The following MAEA variants were observed in gnomAD, a reference collection of about 807,000 sequenced individuals.
MAEA encodes E3 ubiquitin-protein transferase MAEA.
In MAEA, 22 loss-of-function variants were observed where a neutral mutation model predicts 46.2. The observed-to-expected ratio is 0.48, with a 90% CI of 0.34 to 0.68. The LOEUF (loss-of-function observed/expected upper bound fraction) is 0.68, where lower values mean the gene tolerates loss of function less well. Among genes scored for constraint, MAEA ranks in the 30% least tolerant of loss-of-function variants. The pLI is 0.01. For synonymous variants in MAEA, 246 were observed against 222.6 expected (o/e 1.11, Z -0.94); for missense variants, 393 against 558.1 (o/e 0.70, Z 2.98).
At chr4:1,323,469 G>T in intron 4 of MAEA, 1 of 702,540 alleles carries the variant, frequency 1.4e-6, no homozygotes, top group Non-Finnish European at 2.6e-6. Flanking sequence ...GCAGTTACCA[G>T]CCAGGAGTGA....
chr4:1,309,407 A>C, intron 1 of MAEA: 2 of 1,267,676 alleles, frequency 1.6e-6, no homozygotes, highest in Non-Finnish European at 2.0e-6. Flanking sequence ...TCACGTGCTG[A>C]GTCCCCCGGA....
chr4:1,335,296 G>C (rs545518785), intron 6 of MAEA: 33 of 985,518 alleles, frequency 3.3e-5, no homozygotes, highest in African/African-American at 1.0e-4. Flanking sequence ...CCTTCCAGCT[G>C]TGTGAGTCTA....
Position 1,335,213 on chromosome 4 carries a change from A to G in MAEA, c.766-1648A>G, listed in dbSNP as rs901575248. ...ACCTAACATGGACCGGTTGTTTTCC[A>G]TTTCATACATGATTTCTCTGAAGTA... On this transcript the variant is annotated intron_variant, in intron 6 of 8. Transcript: ENST00000303400. 12 of 985,346 alleles carry G rather than the reference A, an allele frequency of 1.2e-5. No individual in the cohort carries two copies. The African/African-American group carries it at 2.1e-4, about 17-fold the overall frequency. 61.0% of individuals were successfully genotyped at this position (985,346 alleles called of 1,614,324 possible). A position where few individuals can be genotyped will look rare whatever the true frequency, so the allele number is the denominator to read the frequency against.
In MAEA at chr4:1,311,440, G is replaced by A. The variant is rs1011993272; in HGVS notation, c.70-539G>A. Among the ~76,000 whole-genome samples, 1 of 152,246 alleles carries A rather than the reference G, an allele frequency of 6.6e-6. No homozygotes were observed. The highest frequency in any genetic ancestry group is 2.4e-5 in the African/African-American group (1 of 41,466). On this transcript the variant is annotated intron_variant, in intron 1 of 8. Coordinates refer to ENST00000303400, the MANE Select transcript of MAEA (RefSeq NM_001017405.3). This position sits in a 1 kb window ranked among gnomAD's most constrained non-coding sequence, Gnocchi z 4.4. ...ATGGATGGTTCTTACGACTGGGGAA[G>A]GCAAACGCTGTCACACAGGAGAGGT...
rs1377248968 is a variant in MAEA at position 1,311,550 on chromosome 4, A to T, written c.70-429A>T. Among the ~76,000 whole-genome samples, 6 of 151,810 alleles carry T rather than the reference A, an allele frequency of 4.0e-5. No homozygotes were observed. Among genetic ancestry groups the T allele is most frequent in the African/African-American group, 1.5e-4 (6 of 41,292 alleles). On this transcript the variant is annotated intron_variant, in intron 1 of 8. Transcript: ENST00000303400. This position sits in a 1 kb window ranked among gnomAD's most constrained non-coding sequence, Gnocchi z 4.4. ...CCCGTGTGGAGCCCACGCCCCATGC[A>T]CCCTTGTCCCTGCCCGGCCTGGCCT...
At chr4:1,324,495 G>A (rs577395272) in intron 4 of MAEA, among the ~76,000 whole-genome samples, 2 of 150,878 alleles carry the variant, frequency 1.3e-5, no homozygotes, top group East Asian at 2.0e-4. Flanking sequence ...GTTGGATAAA[G>A]TTGAGATTGG....
chr4:1,310,750 C>T (rs561574323), intron 1 of MAEA, among the ~76,000 whole-genome samples: 1 of 152,334 alleles, frequency 6.6e-6, no homozygotes, highest in Non-Finnish European at 1.5e-5. Flanking sequence ...GCAGCTGGGG[C>T]CAGGCCGAGT....
At position 1,312,176 on chromosome 4, in the gene MAEA, G is replaced by A. The variant is rs1057445503; in HGVS notation, c.252+15G>A. ...TCAAGAGGAAGGTTGGTCCCGCCTGGCGGTCCCTCTTCAGTCTGGGGCATG... is the reference window on the plus strand; with the variant it reads ...TCAAGAGGAAGGTTGGTCCCGCCTGACGGTCCCTCTTCAGTCTGGGGCATG... On this transcript the variant is annotated intron_variant, in intron 2 of 8. Coordinates refer to ENST00000303400, the MANE Select transcript of MAEA (RefSeq NM_001017405.3). 6.2e-7 allele frequency: 1 copy of A among 1,613,548 alleles called. No homozygotes were observed. The highest frequency in any genetic ancestry group is 1.3e-5 in the African/African-American group (1 of 74,936).
At chr4:1,324,433 T>C (rs865918957) in intron 4 of MAEA, among the ~76,000 whole-genome samples, 10 of 133,808 alleles carry the variant, frequency 7.5e-5, no homozygotes, top group African/African-American at 1.2e-4. Flanking sequence ...GAAGTTGAGA[T>C]TGGTGTTGGA....
intron 3 of MAEA, 36 bp downstream of exon 3, chr4:1,315,636 C>G: frequency 1.2e-6 from 2 of 1,607,448 alleles, no homozygotes; most frequent in Non-Finnish European, 1.7e-6. Flanking sequence ...AGCGCCCCAG[C>G]TGGCCCCAGG....
intron 1 of MAEA, chr4:1,309,707 G>A (rs1173898803): frequency 1.3e-6 from 2 of 1,525,972 alleles, no homozygotes; most frequent in South Asian, 1.2e-5. Flanking sequence ...AGACACCGTG[G>A]CCCCGGTGAG....
In MAEA at chr4:1,290,000, G is replaced by T. The variant is rs200683217; in HGVS notation, c.69+18G>T. The T allele has an allele frequency of 7.6e-6, 12 of 1,573,058 alleles. No homozygotes were observed. The East Asian group carries it at 2.7e-4, about 35-fold the overall frequency. On this transcript the variant is annotated intron_variant, in intron 1 of 8. Coordinates refer to ENST00000303400, the MANE Select transcript of MAEA (RefSeq NM_001017405.3). ...CCCTCAAGGTGGGCGCCTGCGCCGC[G>T]CAGGCTGAGGGCAGCGAAGGCGTCT...
At chr4:1,308,981 A>G (rs533776475) in intron 1 of MAEA, among the ~76,000 whole-genome samples, 6 of 152,158 alleles carry the variant, frequency 3.9e-5, no homozygotes, top group East Asian at 1.9e-4. Context: ...TGTTCTTCCT[A>G]TGATACGGTC....
intron 1 of MAEA, chr4:1,298,055 T>C (rs1308645403): frequency 8.8e-6 from 4 of 456,138 alleles, no homozygotes; most frequent in Non-Finnish European, 1.8e-5. Flanking sequence ...GGAGTGGGTG[T>C]CGAGTACTGC....
chr4:1,291,605 A>G (rs1416722034), intron 1 of MAEA, among the ~76,000 whole-genome samples: 1 of 152,186 alleles, frequency 6.6e-6, no homozygotes, highest in East Asian at 1.9e-4. Flanking sequence ...CTAACACACA[A>G]GAAGGTTTGA....
intron 7 of MAEA, chr4:1,338,201 G>A (rs1713052871): frequency 2.0e-6 from 1 of 503,566 alleles, no homozygotes; most frequent in Non-Finnish European, 3.6e-6. Flanking sequence ...CTGGAGGCCG[G>A]GGTGAGAAGG....
chr4:1,308,867 G>C (rs1055991741), intron 1 of MAEA, among the ~76,000 whole-genome samples: 2 of 152,152 alleles, frequency 1.3e-5, no homozygotes, highest in African/African-American at 2.4e-5. Context: ...TTACTCTGTT[G>C]GTTTTTCCTG....
intron 6 of MAEA, among the ~76,000 whole-genome samples, chr4:1,334,288 G>A (rs868115573): frequency 3.4e-4 from 52 of 151,564 alleles, no homozygotes; most frequent in South Asian, 8.4e-4. Flanking sequence ...GTCAGAGGCC[G>A]GGGTGTTTCC....
At position 1,337,000 on chromosome 4, in the gene MAEA, C is replaced by G. The variant is rs1273059394; in HGVS notation, c.899+6C>G. 6.2e-7 allele frequency: 1 copy of G among 1,613,390 alleles called. No homozygotes were observed. The highest frequency in any genetic ancestry group is 8.5e-7 in the Non-Finnish European group (1 of 1,179,854). On this transcript the variant is annotated splice_donor_region_variant and intron_variant, in intron 7 of 8. Coordinates refer to ENST00000303400, the MANE Select transcript of MAEA (RefSeq NM_001017405.3). Reference sequence around the variant, plus strand: ...CTCTCAGCCATCAAGACACCGTATCCTACCTCCCGTGCGCAGTGCGGTTTG... The same window carrying G: ...CTCTCAGCCATCAAGACACCGTATCGTACCTCCCGTGCGCAGTGCGGTTTG...
Sources: allele counts gnomAD v4.1 joint callset (sites outside exome capture counted in the v4.1 genomes callset), GRCh38; gene constraint gnomAD v4.1.1; non-coding constraint Gnocchi (gnomAD v3.1); transcripts MANE v1.5; gene names NCBI Gene and HGNC (gene_info 2026-07-23, HGNC 2026-07-21).